Variants in ARHGEF7 observed in about 807,000 individuals in gnomAD.
The protein encoded by ARHGEF7 is Rho guanine nucleotide exchange factor 7, also known as PAK-interacting exchange factor beta.
In ARHGEF7, 33 loss-of-function variants were observed where a neutral mutation model predicts 109.8. The observed-to-expected ratio is 0.30, with a 90% CI of 0.23 to 0.40. ARHGEF7 has a LOEUF of 0.40. ARHGEF7 is among the 10% of genes least tolerant of loss of function. ARHGEF7 has a pLI of 1.00. For missense variants in ARHGEF7, 938 were observed against 1,098.5 expected, an observed-to-expected ratio of 0.85 and a Z score of 2.07; for synonymous variants, 458 against 424.6, an observed-to-expected ratio of 1.08 and a Z score of -0.97.
chr13:111,164,349 G>A lies in ARHGEF7; in HGVS notation c.252+10358G>A, dbSNP rs545849940. 8.0e-4 allele frequency among the ~76,000 whole-genome samples: 122 copies of A among 152,308 alleles called. 1 individual carries two copies. Among genetic ancestry groups the A allele is most frequent in the African/African-American group, 2.8e-3 (117 of 41,570 alleles). ...TCATACAAGCATGCTGCTGCCTAGTGTGGCATTAGGTGAGGTGTTTGACAA... is the reference window on the plus strand; with the variant it reads ...TCATACAAGCATGCTGCTGCCTAGTATGGCATTAGGTGAGGTGTTTGACAA... On this transcript the variant is annotated intron_variant, in intron 2 of 21. Coordinates refer to ENST00000646102, the MANE Select transcript of ARHGEF7 (RefSeq NM_001354046.2).
intron 2 of ARHGEF7, among the ~76,000 whole-genome samples, chr13:111,201,673 C>T (rs948235977): frequency 6.6e-6 from 1 of 152,178 alleles, no homozygotes; most frequent in Non-Finnish European, 1.5e-5. Flanking sequence ...TTCCTGTCCT[C>T]AAGCATGTTC....
chr13:111,268,049 A>T lies in ARHGEF7; in HGVS notation c.1073+379A>T, dbSNP rs557840060. On this transcript the variant is annotated intron_variant, in intron 9 of 21. Transcript: ENST00000646102. ...TGTAACAGAAAGTATCTCATTTCAG[A>T]TTAATACAGGTTTTATACACAAAAC... 5.9e-5 allele frequency among the ~76,000 whole-genome samples: 9 copies of T among 152,356 alleles called. No individual in the cohort carries two copies. In the East Asian group the frequency reaches 1.7e-3, roughly 29 times the overall value.
chr13:111,305,460 T>C lies in ARHGEF7; in HGVS notation c.*2347T>C, dbSNP rs574342100. The C allele has an allele frequency of 3.3e-5, 5 of 152,362 alleles. No individual in the cohort carries two copies. Among genetic ancestry groups the C allele is most frequent in the African/African-American group, 1.2e-4 (5 of 41,574 alleles). The allele number at this position is 152,362 out of a possible 1,614,324, so 9.4% of individuals were successfully genotyped here. A position where few individuals can be genotyped will look rare whatever the true frequency, so the allele number is the denominator to read the frequency against. The stretch of plus-strand genomic sequence containing the variant: ...AAGCACTTTCAGTTTTCAGCGATGT[T>C]GGAATGTAGCATCAGAAGCTCGTTC... On this transcript the variant is annotated 3_prime_UTR_variant, in exon 22 of 22. Transcript: ENST00000646102.
intron 12 of ARHGEF7, 116 bp from the exon 13 acceptor site, chr13:111,277,471 G>A (rs1225108509): frequency 2.4e-5 from 15 of 625,560 alleles, no homozygotes; most frequent in South Asian, 1.9e-4. Context: ...ATACCTAAAC[G>A]AGAAATATCA....
At chr13:111,277,144 C>T (rs1385445022) in intron 12 of ARHGEF7, among the ~76,000 whole-genome samples, 4 of 152,154 alleles carry the variant, frequency 2.6e-5, no homozygotes, top group African/African-American at 7.2e-5. Context: ...CACCTGTTCC[C>T]CCTGACCCCA....
intron 5 of ARHGEF7, among the ~76,000 whole-genome samples, chr13:111,230,164 G>A (rs995067330): frequency 1.3e-5 from 2 of 151,836 alleles, no homozygotes; most frequent in East Asian, 1.9e-4. Flanking sequence ...AGCATTTTTC[G>A]AGTTTATTTT....
intron 2 of ARHGEF7, among the ~76,000 whole-genome samples, chr13:111,179,172 G>A (rs1317908924): frequency 1.3e-5 from 2 of 151,794 alleles, no homozygotes; most frequent in South Asian, 2.1e-4. Flanking sequence ...TCTGCCTCCC[G>A]GGTTCAAGCG....
chr13:111,241,074 A>T, intron 6 of ARHGEF7: 1 of 1,429,048 alleles, frequency 7.0e-7, no homozygotes, highest in Non-Finnish European at 9.3e-7. Context: ...GGCGGGCAGC[A>T]TAGGGATTGA....
intron 1 of ARHGEF7, among the ~76,000 whole-genome samples, chr13:111,149,628 A>T (rs1332983469): frequency 6.6e-6 from 1 of 152,252 alleles, no homozygotes; most frequent in East Asian, 1.9e-4. Flanking sequence ...TAGCTTATTT[A>T]ATATAAATTT....
chr13:111,277,518 G>GTTT (rs1819642411), intron 12 of ARHGEF7, 69 bp from the exon 13 acceptor site: 1 of 947,084 alleles, frequency 1.1e-6, no homozygotes, highest in African/African-American at 1.6e-5. Context: ...AATAAGTGAA[G>GTTT]TATTTGTGCT....
intron 2 of ARHGEF7, among the ~76,000 whole-genome samples, chr13:111,204,590 T>G (rs2081560749): frequency 1.3e-5 from 2 of 152,150 alleles, no homozygotes; most frequent in African/African-American, 4.8e-5. Context: ...TGCTTTACCT[T>G]TCCAAGCTCC....
chr13:111,165,089 G>A (rs2077021234), intron 2 of ARHGEF7, among the ~76,000 whole-genome samples: 1 of 152,174 alleles, frequency 6.6e-6, no homozygotes, highest in Admixed American at 6.5e-5. Flanking sequence ...GTTGAGTGGA[G>A]GGGAAGATCC....
rs1449860261 is a variant in ARHGEF7 at position 111,304,426 on chromosome 13, A to G, written c.*1313A>G. Reference sequence around the variant, plus strand: ...CCTTTCCTGTGAAAAGGTTGGTTTTAAAGTGAGATACACTTTTCCGTAGAA... The same window carrying G: ...CCTTTCCTGTGAAAAGGTTGGTTTTGAAGTGAGATACACTTTTCCGTAGAA... On this transcript the variant is annotated 3_prime_UTR_variant, in exon 22 of 22. Transcript: ENST00000646102. 2 of 152,230 alleles carry G rather than the reference A, an allele frequency of 1.3e-5. No homozygotes were observed. Among genetic ancestry groups the G allele is most frequent in the African/African-American group, 4.8e-5 (2 of 41,462 alleles). The allele number at this position is 152,230 out of a possible 1,614,324, so 9.4% of individuals were successfully genotyped here. A position where few individuals can be genotyped will look rare whatever the true frequency, so the allele number is the denominator to read the frequency against.
At chr13:111,212,778 C>T (rs1404129756) in intron 4 of ARHGEF7, among the ~76,000 whole-genome samples, 1 of 152,092 alleles carries the variant, frequency 6.6e-6, no homozygotes, top group Non-Finnish European at 1.5e-5. Context: ...CATATTTTGT[C>T]AATTCAAAGA....
chr13:111,171,017 G>A (rs751263549), intron 2 of ARHGEF7, among the ~76,000 whole-genome samples: 3 of 152,154 alleles, frequency 2.0e-5, no homozygotes, highest in Non-Finnish European at 4.4e-5. Context: ...ATAAAATAGG[G>A]AACTAAGAAT....
intron 2 of ARHGEF7, among the ~76,000 whole-genome samples, chr13:111,187,995 G>A (rs1418892150): frequency 1.3e-5 from 2 of 152,234 alleles, no homozygotes; most frequent in South Asian, 2.1e-4. Flanking sequence ...TTTTCCTTGA[G>A]TACAGGTGGG....
chr13:111,165,094 A>C (rs916781038), intron 2 of ARHGEF7, among the ~76,000 whole-genome samples: 1 of 152,324 alleles, frequency 6.6e-6, no homozygotes, highest in African/African-American at 2.4e-5. Flanking sequence ...GTGGAGGGGA[A>C]GATCCTCTCC....
intron 5 of ARHGEF7, among the ~76,000 whole-genome samples, chr13:111,227,481 T>G (rs2085367093): frequency 6.6e-6 from 1 of 152,264 alleles, no homozygotes; most frequent in African/African-American, 2.4e-5. Flanking sequence ...CTCAGATGAT[T>G]GTTAGCATTT....
intron 2 of ARHGEF7, among the ~76,000 whole-genome samples, chr13:111,170,140 C>T (rs1381848560): frequency 2.0e-5 from 3 of 152,200 alleles, no homozygotes; most frequent in African/African-American, 7.2e-5. Flanking sequence ...CTCTGTTCTC[C>T]CTGCTGGAGT....
Sources: gnomAD v4.1 joint callset for allele counts (sites outside exome capture counted in the v4.1 genomes callset) on GRCh38, gnomAD v4.1.1 for gene constraint, MANE v1.5 for transcripts, NCBI Gene and HGNC (gene_info 2026-07-23, HGNC 2026-07-21) for gene names.